IPO11: variants seen among roughly 807,000 people sequenced by gnomAD.
IPO11 encodes the protein importin 11.
Under a neutral mutation model 143.2 loss-of-function variants are expected in IPO11, and 66 were observed. The ratio of observed to expected loss-of-function variants is 0.46; its 90% CI spans 0.38 to 0.57. The LOEUF is 0.57. Ranked by LOEUF, IPO11 falls within the 20% of genes least tolerant of loss-of-function variation. The pLI is 0.00. For missense variants in IPO11, 1,026 were observed against 1,141.0 expected (o/e 0.90, Z 1.45); for synonymous variants, 385 against 377.8 (o/e 1.02, Z -0.22).
At chr5:62,575,694 A>G (rs960990077) in intron 27 of IPO11, among the ~76,000 whole-genome samples, 1 of 152,194 alleles carries the variant, frequency 6.6e-6, no homozygotes, top group Non-Finnish European at 1.5e-5. Flanking sequence ...CTCTTGGAAT[A>G]TCACAGGCAA....
At chr5:62,503,419 AT>A (rs1361083169) in intron 16 of IPO11, among the ~76,000 whole-genome samples, 1 of 148,706 alleles carries the variant, frequency 6.7e-6, no homozygotes, top group Non-Finnish European at 1.5e-5. Flanking sequence ...ATCTATTAAT[AT>A]ATTAATAGTA....
intron 29 of IPO11, among the ~76,000 whole-genome samples, chr5:62,619,007 G>C (rs1210427524): frequency 6.6e-6 from 1 of 152,122 alleles, no homozygotes; most frequent in Non-Finnish European, 1.5e-5. Context: ...AAGGCAGGTG[G>C]ATCACTTGAG....
chr5:62,563,119 G>A (rs1207535239), intron 27 of IPO11, among the ~76,000 whole-genome samples: 2 of 152,122 alleles, frequency 1.3e-5, no homozygotes, highest in East Asian at 3.8e-4. Context: ...ACTGTGAAAT[G>A]GTGTGGCATC....
At chr5:62,513,751 C>G (rs1045704944) in intron 19 of IPO11, among the ~76,000 whole-genome samples, 1 of 151,290 alleles carries the variant, frequency 6.6e-6, no homozygotes, top group African/African-American at 2.4e-5. Flanking sequence ...ACCTCCCTCC[C>G]GGACGGGGTG....
chr5:62,420,100 C>T (rs989501751), intron 1 of IPO11, among the ~76,000 whole-genome samples: 3 of 151,736 alleles, frequency 2.0e-5, no homozygotes, highest in African/African-American at 7.3e-5. Flanking sequence ...ACCAGCCTGG[C>T]CAACATGGTG....
chr5:62,448,682 C>T (rs1330338571), intron 3 of IPO11, among the ~76,000 whole-genome samples: 1 of 152,092 alleles, frequency 6.6e-6, no homozygotes, highest in African/African-American at 2.4e-5. Flanking sequence ...TCCTGAGTAC[C>T]TCAGACTACA....
intron 26 of IPO11, among the ~76,000 whole-genome samples, chr5:62,557,635 A>G (rs975420480): frequency 6.6e-6 from 1 of 152,202 alleles, no homozygotes; most frequent in Admixed American, 6.5e-5. Flanking sequence ...TCCAGATCTT[A>G]CAATGCCTAT....
At chr5:62,503,979 A>T (rs1178385010) in intron 16 of IPO11, among the ~76,000 whole-genome samples, 1 of 152,216 alleles carries the variant, frequency 6.6e-6, no homozygotes, top group Admixed American at 6.5e-5. Context: ...TCTTGAGCTC[A>T]TGTTACTTTA....
At chr5:62,489,278 C>G (rs937031322) in intron 13 of IPO11, 24 bp from the exon 14 acceptor site, 8 of 1,347,966 alleles carry the variant, frequency 5.9e-6, no homozygotes, top group African/African-American at 1.5e-5. Flanking sequence ...TTTACTGATA[C>G]CTATTTATAT....
At chr5:62,474,510 A>T in intron 8 of IPO11, 46 bp downstream of exon 8, 1 of 1,310,078 alleles carries the variant, frequency 7.6e-7, no homozygotes, top group Non-Finnish European at 1.1e-6. Flanking sequence ...ATTTTTATTC[A>T]TTAGTAGCTT....
At chr5:62,537,492 A>C (rs976098833) in intron 24 of IPO11, among the ~76,000 whole-genome samples, 4 of 152,146 alleles carry the variant, frequency 2.6e-5, no homozygotes, top group African/African-American at 9.7e-5. Context: ...CAGGCAAGAG[A>C]TCAACTGGAC....
intron 8 of IPO11, among the ~76,000 whole-genome samples, chr5:62,476,476 AT>A (rs1380197843): frequency 6.6e-6 from 1 of 152,212 alleles, no homozygotes; most frequent in African/African-American, 2.4e-5. Flanking sequence ...AGTTCAGTTC[AT>A]ATATTAGGGT....
intron 27 of IPO11, among the ~76,000 whole-genome samples, chr5:62,567,626 G>T (rs1450732795): frequency 7.5e-6 from 1 of 132,618 alleles, no homozygotes; most frequent in Non-Finnish European, 1.5e-5. Context: ...GCATTGGAAC[G>T]ATCTCGGCCC....
chr5:62,459,095 C>T, intron 5 of IPO11, among the ~76,000 whole-genome samples: 1 of 148,104 alleles, frequency 6.8e-6, no homozygotes, highest in East Asian at 2.0e-4. Flanking sequence ...TAGTTTTACT[C>T]TTTTTTTTTT....
At chr5:62,441,708 G>A (rs1030365195) in intron 2 of IPO11, among the ~76,000 whole-genome samples, 4 of 150,532 alleles carry the variant, frequency 2.7e-5, no homozygotes, top group Non-Finnish European at 5.9e-5. Context: ...TAGAGATGGG[G>A]TTTCATCATG....
At chr5:62,432,501 G>A (rs1341634125) in intron 1 of IPO11, among the ~76,000 whole-genome samples, 1 of 152,218 alleles carries the variant, frequency 6.6e-6, no homozygotes, top group Non-Finnish European at 1.5e-5. Context: ...CTGGAGTAGA[G>A]CTTCCTCACA....
At chr5:62,446,326 A>G (rs933073092) in intron 3 of IPO11, among the ~76,000 whole-genome samples, 5 of 152,164 alleles carry the variant, frequency 3.3e-5, no homozygotes, top group African/African-American at 1.2e-4. Context: ...TTTTATTACT[A>G]TTTATAGTCA....
chr5:62,434,483 A>G (rs1471345318), intron 1 of IPO11, among the ~76,000 whole-genome samples: 1 of 151,784 alleles, frequency 6.6e-6, no homozygotes, highest in African/African-American at 2.4e-5. Flanking sequence ...TATTTTCTGT[A>G]GAGACGGGAT....
intron 2 of IPO11, among the ~76,000 whole-genome samples, chr5:62,442,481 T>C (rs538524947): frequency 6.6e-6 from 1 of 152,214 alleles, no homozygotes; most frequent in Admixed American, 6.5e-5. Context: ...CAGGTGTACT[T>C]CTTATATGAA....
Sources: gnomAD v4.1 joint callset for allele counts (sites outside exome capture counted in the v4.1 genomes callset) on GRCh38, gnomAD v4.1.1 for gene constraint, MANE v1.5 for transcripts, NCBI Gene and HGNC (gene_info 2026-07-23, HGNC 2026-07-21) for gene names.